The following PCSK1 variants were observed in gnomAD, a reference collection of about 807,000 sequenced individuals.
PCSK1 encodes the protein proprotein convertase subtilisin/kexin type 1, also known as neuroendocrine convertase 1.
A neutral mutation model predicts 90.6 loss-of-function variants in PCSK1; 56 were observed. That is an observed-to-expected ratio of 0.62 (90% CI 0.50 to 0.77). The LOEUF is 0.77. Among genes scored for constraint, PCSK1 ranks in the 30% least tolerant of loss-of-function variants. PCSK1 has a pLI of 0.00. For missense variants in PCSK1, 801 were observed against 932.6 expected, an observed-to-expected ratio of 0.86 and a Z score of 1.84; for synonymous variants, 348 against 342.4, an observed-to-expected ratio of 1.02 and a Z score of -0.18.
chr5:96,392,802 C>A lies in PCSK1; in HGVS notation c.*199G>T, dbSNP rs1194697679. On this transcript the variant is annotated 3_prime_UTR_variant, in exon 14 of 14. Transcript: ENST00000311106. ...ACAGGAAAGATGTGTTTTGAAATAC[C>A]TATGATCAATTCTGGAAGTTGAACT... 1 of 637,310 alleles carries A rather than the reference C, an allele frequency of 1.6e-6. No individual in the cohort carries two copies. Among genetic ancestry groups the A allele is most frequent in the Admixed American group, 2.6e-5 (1 of 37,942 alleles). The allele number at this position is 637,310 out of a possible 1,614,324, so 39.5% of individuals were successfully genotyped here.
At chr5:96,408,543 A>G (rs1373858070) in intron 8 of PCSK1, among the ~76,000 whole-genome samples, 1 of 152,190 alleles carries the variant, frequency 6.6e-6, no homozygotes, top group Admixed American at 6.5e-5. Flanking sequence ...TGGCAGCAAG[A>G]TGCCTTTTCT....
chr5:96,431,838 T>G (rs1761510435), intron 1 of PCSK1, among the ~76,000 whole-genome samples: 1 of 151,868 alleles, frequency 6.6e-6, no homozygotes, highest in South Asian at 2.1e-4. Flanking sequence ...TACAACTGCC[T>G]CCTCCCACGC....
At chr5:96,430,263 A>G (rs1047567930) in intron 1 of PCSK1, among the ~76,000 whole-genome samples, 1 of 152,116 alleles carries the variant, frequency 6.6e-6, no homozygotes, top group East Asian at 1.9e-4. Context: ...GTCTCCCTTT[A>G]CTCAGTACTA....
chr5:96,405,863 G>T (rs189829509), intron 9 of PCSK1, among the ~76,000 whole-genome samples: 1 of 152,236 alleles, frequency 6.6e-6, no homozygotes, highest in Admixed American at 6.5e-5. Context: ...GATGGGCTAG[G>T]CACGGCTAGT....
intron 6 of PCSK1, chr5:96,412,946 A>G: frequency 2.0e-6 from 2 of 1,020,418 alleles, no homozygotes; most frequent in South Asian, 7.6e-5. Context: ...CCCTCCAAGC[A>G]GCCCTCTGGT....
At chr5:96,419,225 T>C (rs1199980716) in intron 5 of PCSK1, among the ~76,000 whole-genome samples, 1 of 151,272 alleles carries the variant, frequency 6.6e-6, no homozygotes, top group Non-Finnish European at 1.5e-5. Context: ...AAATGCCAGA[T>C]ATACAGATAT....
At position 96,400,049 on chromosome 5, in the gene PCSK1, T is replaced by A; in HGVS notation, c.1334A>T (p.Asn445Ile). ...VNSRFGFGLL[N>I]AKALVDLADP... The stretch of plus-strand genomic sequence containing the variant: ...AGCTAAATCCACCAGAGCTTTGGCA[T>A]TTAGCAAGCCAAATCCAAATCGACT... The change falls in exon 10 of 14, where the codon AAT becomes ATT. Residue 445 changes from asparagine (N) to isoleucine (I), a missense_variant. Physicochemically the swap from Asn to Ile is moderately radical, Grantham distance 149. Coordinates refer to ENST00000311106, the MANE Select transcript of PCSK1 (RefSeq NM_000439.5). 6.2e-7 allele frequency: 1 copy of A among 1,614,214 alleles called. No individual in the cohort carries two copies. The highest frequency in any genetic ancestry group is 8.5e-7 in the Non-Finnish European group (1 of 1,180,012).
At chr5:96,414,137 T>TAAA (rs564573961) in intron 6 of PCSK1, among the ~76,000 whole-genome samples, 1 of 124,758 alleles carries the variant, frequency 8.0e-6, no homozygotes. Context: ...AGACTCTGTC[T>TAAA]AAAAAAAAAA....
intron 13 of PCSK1, among the ~76,000 whole-genome samples, chr5:96,394,065 T>C (rs1430381141): frequency 1.3e-5 from 2 of 152,240 alleles, no homozygotes; most frequent in African/African-American, 4.8e-5. Context: ...GAATTCAAGC[T>C]GAGGCCTTCA....
rs1303760616 is a variant in PCSK1, at chr5:96,425,813, T to C, written c.396+7A>G. The stretch of plus-strand genomic sequence containing the variant: ...CCCACCCACATAGTCCTTCTGTAGG[T>C]ACTTACCAAGTACCATTGCTGATTC... On this transcript the variant is annotated splice_region_variant and intron_variant, in intron 3 of 13. Transcript: ENST00000311106. The C allele has an allele frequency of 2.0e-6, 3 of 1,466,944 alleles. No individual in the cohort carries two copies. In the Admixed American group the frequency reaches 5.0e-5, roughly 25 times the overall value. The allele number at this position is 1,466,944 out of a possible 1,614,324, so 90.9% of individuals were successfully genotyped here.
At chr5:96,418,058 A>G (rs900038433) in intron 5 of PCSK1, among the ~76,000 whole-genome samples, 4 of 152,236 alleles carry the variant, frequency 2.6e-5, no homozygotes, top group Admixed American at 1.3e-4. Context: ...GTCCTAAAAA[A>G]TGATGCAGTG....
intron 6 of PCSK1, 37 bp from the exon 7 acceptor site, chr5:96,412,527 A>C (rs1207738419): frequency 2.5e-6 from 4 of 1,568,672 alleles, no homozygotes; most frequent in Non-Finnish European, 3.5e-6. Context: ...ACAAAGGTTG[A>C]TGTCAGTATG....
At chr5:96,428,357 T>G (rs1255485053) in intron 2 of PCSK1, among the ~76,000 whole-genome samples, 1 of 152,212 alleles carries the variant, frequency 6.6e-6, no homozygotes, top group Admixed American at 6.5e-5. Flanking sequence ...ACAAAAATTA[T>G]GTACACAGAT....
At position 96,432,994 on chromosome 5, in the gene PCSK1, A is replaced by G; in HGVS notation, c.49T>C (p.Cys17Arg). The G allele has an allele frequency of 6.2e-7, 1 of 1,614,236 alleles. No homozygotes were observed. The highest frequency in any genetic ancestry group is 8.5e-7 in the Non-Finnish European group (1 of 1,180,038). Residue 17 changes from cysteine (C) to arginine (R), a missense_variant, in exon 1 of 14, where the codon TGC becomes CGC. Cys to Arg is a radical substitution (Grantham distance 180). Transcript: ENST00000311106. ...GCACTGTTCAGTGCACACCAAGCGC[A>G]AAAGAGGACGAAAGCAGTGCACTGC... ...SLQCTAFVLF[C>R]AWCALNSAKA... is the part of the protein sequence containing the mutation.
Position 96,412,459 on chromosome 5 carries a change from A to G in PCSK1, c.741T>C (p.Asp247=). 6.2e-7 allele frequency: 1 copy of G among 1,614,096 alleles called. No homozygotes were observed. Among genetic ancestry groups the G allele is most frequent in the Non-Finnish European group, 8.5e-7 (1 of 1,179,970 alleles). ...GIRMLDGIVT[D]AIEASSIGFN... Reference sequence around the variant, plus strand: ...ATCCAATTGAACTGGCCTCAATAGCATCCGTCACAATGCCATCCAGCATTC... The same window carrying G: ...ATCCAATTGAACTGGCCTCAATAGCGTCCGTCACAATGCCATCCAGCATTC... Residue 247 remains aspartate, a synonymous_variant, in exon 7 of 14, where the codon GAT becomes GAC. Transcript: ENST00000311106.
intron 9 of PCSK1, among the ~76,000 whole-genome samples, chr5:96,405,791 T>TA (rs1378884402): frequency 6.6e-6 from 1 of 152,242 alleles, no homozygotes; most frequent in East Asian, 1.9e-4. Flanking sequence ...AGCTCTTACA[T>TA]AAAATTGGCA....
At chr5:96,421,803 A>G in intron 5 of PCSK1, 77 bp downstream of exon 5, 1 of 839,480 alleles carries the variant, frequency 1.2e-6, no homozygotes, top group Non-Finnish European at 2.1e-6. Context: ...TGTGGATGAA[A>G]TATATGGTAT....
At chr5:96,398,644 T>C (rs1384769826) in intron 11 of PCSK1, among the ~76,000 whole-genome samples, 1 of 152,202 alleles carries the variant, frequency 6.6e-6, no homozygotes. Flanking sequence ...CAGAAAAGTG[T>C]ATTAATTAGC....
intron 6 of PCSK1, among the ~76,000 whole-genome samples, chr5:96,413,857 C>T (rs541212446): frequency 8.4e-5 from 12 of 142,174 alleles, no homozygotes; most frequent in South Asian, 6.9e-4. Context: ...CGGTGGCTCA[C>T]GCCTGTAATC....
Sources: gnomAD v4.1 joint callset for allele counts (sites outside exome capture counted in the v4.1 genomes callset) on GRCh38, gnomAD v4.1.1 for gene constraint, MANE v1.5 for transcripts, NCBI Gene and HGNC (gene_info 2026-07-23, HGNC 2026-07-21) for gene names.